Variants in TBK1 observed in about 807,000 individuals in gnomAD.
The protein encoded by TBK1 is serine/threonine-protein kinase TBK1.
A neutral mutation model predicts 99.9 loss-of-function variants in TBK1; 37 were observed. The ratio of observed to expected loss-of-function variants is 0.37; its 90% confidence interval spans 0.28 to 0.49. The LOEUF (loss-of-function observed/expected upper bound fraction) is 0.49, where lower values mean the gene tolerates loss of function less well. TBK1 is among the 20% of genes least tolerant of loss of function. TBK1 has a pLI of 0.98. For missense variants in TBK1, 644 were observed against 872.5 expected (o/e 0.74, Z 3.30); for synonymous variants, 258 against 279.8 (o/e 0.92, Z 0.78).
intron 12 of TBK1, among the ~76,000 whole-genome samples, chr12:64,489,777 C>T (rs1345292914): frequency 6.6e-6 from 1 of 150,480 alleles, no homozygotes; most frequent in Non-Finnish European, 1.5e-5. Context: ...GGGGTTTTAC[C>T]ATGTTAGCCA....
chr12:64,484,255 C>T (rs2040796428), intron 8 of TBK1, 48 bp from the exon 9 acceptor site: 19 of 1,299,208 alleles, frequency 1.5e-5, no homozygotes, highest in Non-Finnish European at 1.9e-5. Context: ...TATTTTGCCT[C>T]TCACTTTATC....
In TBK1 at chr12:64,455,185, C is replaced by T. The variant is rs550484648; in HGVS notation, c.-31-655C>T. ...ATTTTTTGTGGAGACGGGGTTTTGC[C>T]GTGTTAGCCAAGGTGGTCTCAAACT... On this transcript the variant is annotated intron_variant, in intron 1 of 20. Coordinates refer to ENST00000331710, the MANE Select transcript of TBK1 (RefSeq NM_013254.4). Among the ~76,000 whole-genome samples the T allele has an allele frequency of 4.6e-5, 7 of 151,496 alleles. No individual in the cohort carries two copies. The South Asian group carries it at 1.5e-3, about 32-fold the overall frequency.
rs376281833 is a variant in TBK1 at position 64,455,974 on chromosome 12, C to T, written c.87+17C>T. ...AGACATAAGGTTAGTACAGAGAAAA[C>T]TTTGAAGACCTTTTATCACTGTATG... On this transcript the variant is annotated intron_variant, in intron 2 of 20. Transcript: ENST00000331710. The T allele has an allele frequency of 2.2e-4, 340 of 1,555,346 alleles. 1 individual carries two copies. The highest frequency in any genetic ancestry group is 2.7e-4 in the Non-Finnish European group (305 of 1,137,292).
intron 6 of TBK1, among the ~76,000 whole-genome samples, chr12:64,476,150 CTTTTTTTTTTTTTTTT>C (rs59104364): frequency 3.9e-5 from 2 of 51,820 alleles, no homozygotes; most frequent in South Asian, 8.7e-4. Flanking sequence ...GCGTAGTCTT[CTTTTTTTTTTTTTTTT>C]TTTTTTTTTG....
At chr12:64,454,694 T>G (rs2040466077) in intron 1 of TBK1, among the ~76,000 whole-genome samples, 1 of 122,562 alleles carries the variant, frequency 8.2e-6, no homozygotes, top group Non-Finnish European at 1.8e-5. Context: ...TTTTTTTTTT[T>G]GAGACGGAGT....
At position 64,463,641 on chromosome 12, in the gene TBK1, G is replaced by C. The variant is rs567961722; in HGVS notation, c.229-693G>C. Among the ~76,000 whole-genome samples, 7 of 149,064 alleles carry C rather than the reference G, an allele frequency of 4.7e-5. No homozygotes were observed. The South Asian group carries it at 1.5e-3, about 32-fold the overall frequency. On this transcript the variant is annotated intron_variant, in intron 3 of 20. Transcript: ENST00000331710. ...TTGAACCTTGGAGGTGGAGGTTGCAGTGAGCCAAGATCGTACCATTGCACT... is the reference window on the plus strand; with the variant it reads ...TTGAACCTTGGAGGTGGAGGTTGCACTGAGCCAAGATCGTACCATTGCACT...
chr12:64,456,635 TC>T (rs753994587), intron 2 of TBK1, among the ~76,000 whole-genome samples: 2 of 151,954 alleles, frequency 1.3e-5, no homozygotes, highest in African/African-American at 2.4e-5. Flanking sequence ...GGTCAGGAGA[TC>T]GAGACCATCC....
chr12:64,486,476 C>T (rs1330372970), intron 11 of TBK1, among the ~76,000 whole-genome samples: 2 of 151,796 alleles, frequency 1.3e-5, no homozygotes, highest in Non-Finnish European at 2.9e-5. Flanking sequence ...TCGCTGTCAC[C>T]CAGGCTGGAG....
intron 1 of TBK1, chr12:64,452,568 C>T (rs1459872645): frequency 3.3e-5 from 5 of 152,206 alleles, no homozygotes; most frequent in African/African-American, 1.2e-4. Context: ...GAGGCAGGGG[C>T]ACCTCTTTCC....
In TBK1 at chr12:64,501,365, A is replaced by G. The variant is rs2136092274; in HGVS notation, c.2174A>G (p.Asn725Ser). ...TTAACCATGGATGGTGGCCTTCGCA[A>G]CGTTGACTGTCTTTAGCTTTCTAAT... ...GSLTMDGGLRNVDCL is the reference protein window; with the variant it reads ...GSLTMDGGLRSVDCL Residue 725 changes from asparagine to serine, a missense_variant, in exon 21 of 21, where the codon AAC becomes AGC. By Grantham distance (46) the Asn-to-Ser change is conservative. This residue lies in a region of TBK1 where 465 missense variants were observed against 588.0 expected (regional missense o/e 0.79). Transcript: ENST00000331710. 2 of 1,614,066 alleles carry G rather than the reference A, an allele frequency of 1.2e-6. No homozygotes were observed. The highest frequency in any genetic ancestry group is 1.1e-5 in the South Asian group (1 of 91,058).
chr12:64,463,631 G>C (rs376112757), intron 3 of TBK1, among the ~76,000 whole-genome samples: 192 of 150,894 alleles, frequency 1.3e-3, no homozygotes, highest in African/African-American at 4.4e-3. Flanking sequence ...CCTTGGAGGT[G>C]GAGGTTGCAG....
chr12:64,485,145 A>G (rs1293979881), intron 9 of TBK1, among the ~76,000 whole-genome samples: 1 of 151,302 alleles, frequency 6.6e-6, no homozygotes, highest in Non-Finnish European at 1.5e-5. Context: ...CTACTGGTAG[A>G]AAAAAAAATG....
intron 15 of TBK1, 59 bp from the exon 16 acceptor site, chr12:64,496,308 C>A: frequency 1.2e-6 from 1 of 833,422 alleles, no homozygotes; most frequent in Non-Finnish European, 1.8e-6. Flanking sequence ...AAAGAAAATA[C>A]ATTGTGTATA....
chr12:64,488,652 G>A (rs2040840884), intron 12 of TBK1, 64 bp downstream of exon 12: 2 of 1,161,456 alleles, frequency 1.7e-6, no homozygotes, highest in South Asian at 2.9e-5. Flanking sequence ...CTATTTAAAT[G>A]ACTTAGTTAT....
At chr12:64,497,798 T>C (rs1026406477) in intron 19 of TBK1, 44 bp downstream of exon 19, 1 of 1,492,920 alleles carries the variant, frequency 6.7e-7, no homozygotes, top group African/African-American at 1.4e-5. Flanking sequence ...TCCATTTGCT[T>C]TCATTGCAGT....
intron 20 of TBK1, 109 bp from the exon 21 acceptor site, chr12:64,501,221 T>C (rs972243822): frequency 5.8e-6 from 6 of 1,034,530 alleles, no homozygotes; most frequent in African/African-American, 1.6e-5. Context: ...TTAAACTCTT[T>C]AAAAATAAAT....
rs1242765639 is a variant in TBK1 at position 64,501,313 on chromosome 12, TTG to T, written c.2139-7_2139-6del. ...AACTTTTGAGATTACCTTTTTTTCT[TTG>T]TGTGTGTGTTTTAGGTTTGGCTCTT... is the stretch of plus-strand genomic sequence containing the variant. On this transcript the variant is annotated splice_polypyrimidine_tract_variant and intron_variant, in intron 20 of 20. Coordinates refer to ENST00000331710, the MANE Select transcript of TBK1 (RefSeq NM_013254.4). 2 of 1,613,404 alleles carry T rather than the reference TTG, an allele frequency of 1.2e-6. No homozygotes were observed. Among genetic ancestry groups the T allele is most frequent in the East Asian group, 2.2e-5 (1 of 44,842 alleles).
intron 5 of TBK1, among the ~76,000 whole-genome samples, chr12:64,468,677 G>A (rs576291843): frequency 6.6e-6 from 1 of 152,234 alleles, no homozygotes; most frequent in Non-Finnish European, 1.5e-5. Flanking sequence ...TAACAAGTAA[G>A]TAAAGTAAAT....
chr12:64,475,074 C>G (rs76423079), intron 6 of TBK1, among the ~76,000 whole-genome samples: 1 of 152,000 alleles, frequency 6.6e-6, no homozygotes, highest in Non-Finnish European at 1.5e-5. Flanking sequence ...ACTGTGATTG[C>G]GCCACGGCAC....
Sources: gnomAD v4.1 joint callset for allele counts (sites outside exome capture counted in the v4.1 genomes callset) on GRCh38, gnomAD v4.1.1 for gene constraint, gnomAD v4.1.1 regional missense constraint, MANE v1.5 for transcripts, NCBI Gene and HGNC (gene_info 2026-07-23, HGNC 2026-07-21) for gene names.